PMFBP1: variants seen among roughly 807,000 people sequenced by gnomAD.
The protein encoded by PMFBP1 is polyamine-modulated factor 1-binding protein 1.
In PMFBP1, 131 loss-of-function variants were observed where a neutral mutation model predicts 137.8. The observed-to-expected ratio is 0.95, with a 90% CI of 0.82 to 1.10. PMFBP1 has a LOEUF of 1.10. Among genes scored for constraint, PMFBP1 ranks in the 50% least tolerant of loss-of-function variants. The pLI, the probability that PMFBP1 is intolerant of heterozygous loss-of-function variation, is 0.00. For synonymous variants in PMFBP1, 490 were observed against 450.4 expected, an observed-to-expected ratio of 1.09 and a Z score of -1.11; for missense variants, 1,199 against 1,175.4, an observed-to-expected ratio of 1.02 and a Z score of -0.29.
Position 72,140,532 on chromosome 16 carries a change from A to G in PMFBP1, c.687T>C (p.Pro229=). 6.2e-7 allele frequency: 1 copy of G among 1,613,634 alleles called. No homozygotes were observed. Among genetic ancestry groups the G allele is most frequent in the African/African-American group, 1.3e-5 (1 of 75,044 alleles). ...TCTCCTGATGCTCTTGAATCATGCAAGGAGAAGTGTATATCCGTACCTTTG... is the reference window on the plus strand; with the variant it reads ...TCTCCTGATGCTCTTGAATCATGCAGGGAGAAGTGTATATCCGTACCTTTG... The part of the protein sequence containing the change: ...DHSKVRIYTS[P]CMIQEHQETQ... Residue 229 remains proline (P), a synonymous_variant, in exon 6 of 21, where the codon CCT becomes CCC. Coordinates refer to ENST00000237353, the MANE Select transcript of PMFBP1 (RefSeq NM_031293.3).
chr16:72,205,269 G>A, the PMFBP1 span, among the ~76,000 whole-genome samples: 14 of 152,376 alleles, frequency 9.2e-5, no homozygotes, highest in South Asian at 8.3e-4. Context: ...GCGCTGAAGC[G>A]TTGGTGTGGT....
chr16:72,157,794 T>A (rs961955289), intron 3 of PMFBP1, among the ~76,000 whole-genome samples: 1 of 152,022 alleles, frequency 6.6e-6, no homozygotes, highest in Non-Finnish European at 1.5e-5. Flanking sequence ...ACTGCAATAA[T>A]CCAGACAAAG....
the PMFBP1 span, among the ~76,000 whole-genome samples, chr16:72,218,205 G>C: frequency 0.079 from 11,983 of 152,270 alleles, 558 homozygotes; most frequent in East Asian, 0.1. Flanking sequence ...CAAGGAATTA[G>C]TGGGAGACAC....
chr16:72,155,953 A>G (rs1292326088), intron 3 of PMFBP1, among the ~76,000 whole-genome samples: 1 of 152,054 alleles, frequency 6.6e-6, no homozygotes, highest in Non-Finnish European at 1.5e-5. Context: ...GAATTGTATA[A>G]TATGTCATTT....
At chr16:72,204,483 G>A in the PMFBP1 span, among the ~76,000 whole-genome samples, 1 of 152,088 alleles carries the variant, frequency 6.6e-6, no homozygotes, top group African/African-American at 2.4e-5. Flanking sequence ...GATTACAGGC[G>A]TGAGCCACCA....
At chr16:72,185,029 T>C in the PMFBP1 span, among the ~76,000 whole-genome samples, 4 of 147,952 alleles carry the variant, frequency 2.7e-5, no homozygotes, top group South Asian at 8.4e-4. Flanking sequence ...CCTGTTTTCT[T>C]TTTTTTTTTT....
chr16:72,229,057 A>C, the PMFBP1 span, among the ~76,000 whole-genome samples: 1 of 151,714 alleles, frequency 6.6e-6, no homozygotes, highest in African/African-American at 2.4e-5. Context: ...CTTTATGTCC[A>C]TGTGTTTTCA....
chr16:72,193,319 G>C, the PMFBP1 span, among the ~76,000 whole-genome samples: 71 of 152,216 alleles, frequency 4.7e-4, no homozygotes, highest in African/African-American at 1.7e-3. Context: ...GAGCCCATGA[G>C]TTTGAGGCTA....
chr16:72,239,737 C>G, the PMFBP1 span, among the ~76,000 whole-genome samples: 1 of 151,660 alleles, frequency 6.6e-6, no homozygotes, highest in African/African-American at 2.4e-5. Flanking sequence ...ACTAAAGATA[C>G]AAAAATTAGC....
At chr16:72,188,707 T>C in the PMFBP1 span, among the ~76,000 whole-genome samples, 4 of 152,228 alleles carry the variant, frequency 2.6e-5, no homozygotes, top group Admixed American at 6.5e-5. Flanking sequence ...CTGATCAGTT[T>C]ACTGGACTGA....
intron 16 of PMFBP1, 92 bp downstream of exon 16, chr16:72,125,146 G>A (rs117935826): frequency 0.014 from 21,340 of 1,489,458 alleles, 201 homozygotes; most frequent in Non-Finnish European, 0.016. Flanking sequence ...GCAGCCCAAG[G>A]GAATGACTTA....
chr16:72,225,800 C>T, the PMFBP1 span, among the ~76,000 whole-genome samples: 8 of 151,414 alleles, frequency 5.3e-5, no homozygotes, highest in East Asian at 1.5e-3. Flanking sequence ...ATCCTTTTCA[C>T]ATAGCCCATA....
intron 2 of PMFBP1, among the ~76,000 whole-genome samples, chr16:72,168,660 C>T (rs576316388): frequency 2.1e-4 from 32 of 152,250 alleles, no homozygotes; most frequent in African/African-American, 7.7e-4. Context: ...TAAGTCTCCA[C>T]TGCTAGGTGA....
chr16:72,194,632 T>C, the PMFBP1 span, among the ~76,000 whole-genome samples: 1 of 152,348 alleles, frequency 6.6e-6, no homozygotes, highest in East Asian at 1.9e-4. Flanking sequence ...TGGTATCTCG[T>C]GGTCAATAGT....
At chr16:72,156,414 C>T (rs1351466239) in intron 3 of PMFBP1, among the ~76,000 whole-genome samples, 13 of 151,952 alleles carry the variant, frequency 8.6e-5, no homozygotes, top group African/African-American at 1.2e-4. Context: ...GTCAGGAGAT[C>T]GAGACCGTCC....
intron 19 of PMFBP1, among the ~76,000 whole-genome samples, chr16:72,121,543 A>ATGCC: frequency 6.6e-6 from 1 of 152,194 alleles, no homozygotes; most frequent in South Asian, 2.1e-4. Context: ...GTGTTTGGAG[A>ATGCC]TGCCTGCCTG....
intron 2 of PMFBP1, among the ~76,000 whole-genome samples, chr16:72,166,257 T>A (rs2043143043): frequency 6.6e-6 from 1 of 152,070 alleles, no homozygotes; most frequent in Non-Finnish European, 1.5e-5. Flanking sequence ...ATGCTGTTCT[T>A]GTAATAGTGA....
intron 5 of PMFBP1, among the ~76,000 whole-genome samples, chr16:72,150,280 G>A (rs2042881844): frequency 6.6e-6 from 1 of 152,152 alleles, no homozygotes; most frequent in Non-Finnish European, 1.5e-5. Context: ...GTTGGGCAGA[G>A]GGAGATGAGC....
chr16:72,148,568 C>T (rs2042850746), intron 5 of PMFBP1, among the ~76,000 whole-genome samples: 1 of 151,786 alleles, frequency 6.6e-6, no homozygotes, highest in Admixed American at 6.6e-5. Context: ...AAAAATACCA[C>T]TAATAAAGTA....
Sources: allele counts gnomAD v4.1 joint callset (sites outside exome capture counted in the v4.1 genomes callset), GRCh38; gene constraint gnomAD v4.1.1; transcripts MANE v1.5; gene names NCBI Gene and HGNC (gene_info 2026-07-23, HGNC 2026-07-21).